CALCRL: variants seen among roughly 807,000 people sequenced by gnomAD.
CALCRL encodes the protein calcitonin receptor like receptor.
Under a neutral mutation model 60.4 loss-of-function variants are expected in CALCRL, and 27 were observed. That is an observed-to-expected ratio of 0.45 (90% CI 0.33 to 0.62). The LOEUF (loss-of-function observed/expected upper bound fraction) is 0.62. Ranked by LOEUF, CALCRL falls within the 20% of genes least tolerant of loss-of-function variation. The pLI is 0.03. For missense variants in CALCRL, 424 were observed against 540.7 expected (o/e 0.78, Z 2.14); for synonymous variants, 190 against 182.6 (o/e 1.04, Z -0.33).
chr2:187,426,169 G>A (rs1690109824), intron 1 of CALCRL, among the ~76,000 whole-genome samples: 1 of 150,518 alleles, frequency 6.6e-6, no homozygotes, highest in Non-Finnish European at 1.5e-5. Flanking sequence ...AAGATAAAGT[G>A]ACAGGGAAAT....
intron 1 of CALCRL, among the ~76,000 whole-genome samples, chr2:187,413,570 C>T (rs1029990085): frequency 8.3e-4 from 127 of 152,234 alleles, no homozygotes; most frequent in African/African-American, 3.0e-3. Flanking sequence ...ACTAAGTCCC[C>T]AGCAAACGAT....
intron 1 of CALCRL, among the ~76,000 whole-genome samples, chr2:187,425,202 A>G (rs545496216): frequency 1.1e-4 from 16 of 151,790 alleles, no homozygotes; most frequent in Non-Finnish European, 2.2e-4. Context: ...AAGATTATAG[A>G]TTTTTCTCAC....
intron 8 of CALCRL, among the ~76,000 whole-genome samples, chr2:187,370,905 T>A (rs976431995): frequency 6.6e-6 from 1 of 152,228 alleles, no homozygotes; most frequent in East Asian, 1.9e-4. Context: ...TGGATTTTTA[T>A]GTACACTAAC....
rs756067045 is a variant in CALCRL at position 187,352,006 on chromosome 2, C to T, written c.1129-45G>A. 3.9e-6 allele frequency: 6 copies of T among 1,556,574 alleles called. No homozygotes were observed. The South Asian group carries it at 6.7e-5, about 17-fold the overall frequency. On this transcript the variant is annotated intron_variant, in intron 13 of 14. Transcript: ENST00000392370. ...TGATCTGAATCCAAATGGAAAGATA[C>T]ATGTATTTGTAATCAAATAGCTGTA...
intron 1 of CALCRL, among the ~76,000 whole-genome samples, chr2:187,436,207 A>C (rs1474544975): frequency 6.6e-6 from 1 of 152,152 alleles, no homozygotes; most frequent in African/African-American, 2.4e-5. Context: ...ATTATGCCCT[A>C]TTCATACAAC....
rs187262864 is a variant in CALCRL, at chr2:187,397,273, A to G, written c.-292-9517T>C. Reference sequence around the variant, plus strand: ...TCACATGCATCTTGAGTTTTTTTTTATCTTCTGCAGAAATAATGTGGTTGT... The same window carrying G: ...TCACATGCATCTTGAGTTTTTTTTTGTCTTCTGCAGAAATAATGTGGTTGT... On this transcript the variant is annotated intron_variant, in intron 1 of 14. Coordinates refer to ENST00000392370, the MANE Select transcript of CALCRL (RefSeq NM_005795.6). Among the ~76,000 whole-genome samples, 303 of 151,570 alleles carry G rather than the reference A, an allele frequency of 2.0e-3. 2 individuals are homozygous for G. Among genetic ancestry groups the G allele is most frequent in the Admixed American group, 7.4e-3 (113 of 15,168 alleles).
At chr2:187,375,751 T>C (rs1245343746) in intron 8 of CALCRL, among the ~76,000 whole-genome samples, 2 of 152,192 alleles carry the variant, frequency 1.3e-5, no homozygotes. Context: ...TTAATAATTT[T>C]GTAAATATAT....
At chr2:187,445,829 G>A (rs377717366) in intron 1 of CALCRL, among the ~76,000 whole-genome samples, 1 of 151,406 alleles carries the variant, frequency 6.6e-6, no homozygotes, top group South Asian at 2.1e-4. Flanking sequence ...TTCATTACAT[G>A]TTCGGAGTCA....
intron 8 of CALCRL, among the ~76,000 whole-genome samples, chr2:187,374,460 G>T (rs1334391512): frequency 6.6e-6 from 1 of 152,110 alleles, no homozygotes; most frequent in Non-Finnish European, 1.5e-5. Flanking sequence ...AATTAGGTGT[G>T]AGACTAGATG....
intron 1 of CALCRL, among the ~76,000 whole-genome samples, chr2:187,418,557 C>T (rs1232490996): frequency 1.3e-5 from 2 of 152,004 alleles, no homozygotes; most frequent in Non-Finnish European, 2.9e-5. Flanking sequence ...TTTGAATCTT[C>T]CTAAGGGTAT....
At chr2:187,412,795 T>A (rs1689423217) in intron 1 of CALCRL, among the ~76,000 whole-genome samples, 1 of 152,230 alleles carries the variant, frequency 6.6e-6, no homozygotes, top group South Asian at 2.1e-4. Context: ...GCTTTCAGGT[T>A]TTAAAGCCTA....
chr2:187,377,220 G>A (rs1182927714), intron 8 of CALCRL, among the ~76,000 whole-genome samples: 1 of 152,096 alleles, frequency 6.6e-6, no homozygotes, highest in Non-Finnish European at 1.5e-5. Flanking sequence ...TATTCTGGCT[G>A]CCTTGGTTAG....
At chr2:187,445,156 C>T (rs1015802829) in intron 1 of CALCRL, among the ~76,000 whole-genome samples, 3 of 151,434 alleles carry the variant, frequency 2.0e-5, no homozygotes, top group Admixed American at 6.6e-5. Flanking sequence ...GCGTATTCTC[C>T]AATATTCTGA....
chr2:187,439,941 T>C (rs751693263), intron 1 of CALCRL, among the ~76,000 whole-genome samples: 1 of 152,160 alleles, frequency 6.6e-6, no homozygotes, highest in Non-Finnish European at 1.5e-5. Flanking sequence ...GTAAGGAAGA[T>C]TAGCATTCTT....
chr2:187,446,707 G>A (rs1691204622), intron 1 of CALCRL, among the ~76,000 whole-genome samples: 1 of 151,726 alleles, frequency 6.6e-6, no homozygotes, highest in Non-Finnish European at 1.5e-5. Context: ...CTACACATGT[G>A]TCAGGGAACT....
At chr2:187,427,490 G>A (rs1301733816) in intron 1 of CALCRL, among the ~76,000 whole-genome samples, 1 of 152,040 alleles carries the variant, frequency 6.6e-6, no homozygotes, top group African/African-American at 2.4e-5. Flanking sequence ...AAAATGATAA[G>A]TAAAGAATTT....
Position 187,380,530 on chromosome 2 carries a change from T to A in CALCRL, c.345A>T (p.Pro115=), listed in dbSNP as rs1480245905. The change falls in exon 7 of 15, where the codon CCA becomes CCT. Residue 115 remains proline (P), a synonymous_variant. Transcript: ENST00000392370. Reference sequence around the variant, plus strand: ...AATTTGTCCATGTTCTGTTGCTTGCTGGATGTCTAAACCAGTTTCCATCTT... The same window carrying A: ...AATTTGTCCATGTTCTGTTGCTTGCAGGATGTCTAAACCAGTTTCCATCTT... ...CDQDGNWFRH[P]ASNRTWTNYT... 2 of 1,613,638 alleles carry A rather than the reference T, an allele frequency of 1.2e-6. No homozygotes were observed.
chr2:187,425,601 G>A (rs1312136575), intron 1 of CALCRL, among the ~76,000 whole-genome samples: 1 of 152,022 alleles, frequency 6.6e-6, no homozygotes, highest in Admixed American at 6.5e-5. Context: ...ACAATGAAAA[G>A]CATGGCATTA....
chr2:187,410,748 G>A (rs960200237), intron 1 of CALCRL, among the ~76,000 whole-genome samples: 2 of 152,114 alleles, frequency 1.3e-5, no homozygotes, highest in African/African-American at 4.8e-5. Flanking sequence ...GCTGAAGGTG[G>A]GATCAGGGGA....
Sources: gnomAD v4.1 joint callset for allele counts (sites outside exome capture counted in the v4.1 genomes callset) on GRCh38, gnomAD v4.1.1 for gene constraint, MANE v1.5 for transcripts, NCBI Gene and HGNC (gene_info 2026-07-23, HGNC 2026-07-21) for gene names.